Variants in ANKRD62 observed in about 807,000 individuals in gnomAD.
The protein encoded by ANKRD62 is ankyrin repeat domain 62.
In ANKRD62, 61 loss-of-function variants were observed where a neutral mutation model predicts 98.8. The ratio of observed to expected loss-of-function variants is 0.62; its 90% CI spans 0.50 to 0.76. ANKRD62 has a LOEUF of 0.76. Ranked by LOEUF, ANKRD62 falls within the 30% of genes least tolerant of loss-of-function variation. The pLI is 0.00. For missense variants in ANKRD62, 933 were observed against 1,082.9 expected (o/e 0.86, Z 1.94); for synonymous variants, 341 against 367.9 (o/e 0.93, Z 0.84).
intron 8 of ANKRD62, among the ~76,000 whole-genome samples, chr18:12,108,156 C>T (rs1405958631): frequency 6.6e-6 from 1 of 152,106 alleles, no homozygotes; most frequent in Non-Finnish European, 1.5e-5. Flanking sequence ...ATTATTTCAC[C>T]AGTAAAGTAT....
In ANKRD62 at chr18:12,115,102, C is replaced by T; in HGVS notation, c.1079C>T (p.Thr360Ile). 1 of 1,390,784 alleles carries T rather than the reference C, an allele frequency of 7.2e-7. No individual in the cohort carries two copies. The highest frequency in any genetic ancestry group is 1.9e-5 in the South Asian group (1 of 52,844). 86.2% of individuals were successfully genotyped at this position (1,390,784 alleles called of 1,614,324 possible). Residue 360 changes from threonine (T) to isoleucine (I), a missense_variant, in exon 9 of 14, where the codon ACC becomes ATC. Transcript: ENST00000587848. ...TTTTTTTTTAGGCTTGCAAGGAAAA[C>T]CTCTAATGAAAAGAGCAAGGTATTA... is the stretch of plus-strand genomic sequence containing the variant. ...NGEFDRLARK[T>I]SNEKSKVKSQ...
chr18:12,137,710 T>C, the ANKRD62 span, among the ~76,000 whole-genome samples: 10 of 152,216 alleles, frequency 6.6e-5, no homozygotes, highest in East Asian at 1.9e-3. Flanking sequence ...CTATTAATTA[T>C]TGCCTCAATT....
At chr18:12,135,060 A>C in the ANKRD62 span, among the ~76,000 whole-genome samples, 1 of 147,496 alleles carries the variant, frequency 6.8e-6, no homozygotes, top group Non-Finnish European at 1.5e-5. Flanking sequence ...TTTTTTTTAT[A>C]CTTTAAGTTT....
the ANKRD62 span, among the ~76,000 whole-genome samples, chr18:12,139,233 G>A: frequency 6.6e-6 from 1 of 152,140 alleles, no homozygotes; most frequent in Non-Finnish European, 1.5e-5. Context: ...TTTTAGGGCA[G>A]GCCTGGTGGT....
At chr18:12,115,309 G>A (rs1909637301) in intron 9 of ANKRD62, 84 bp from the exon 10 acceptor site, 1 of 1,350,850 alleles carries the variant, frequency 7.4e-7, no homozygotes, top group East Asian at 2.6e-5. Flanking sequence ...CATGTAAAAA[G>A]ACGGATAATT....
intron 10 of ANKRD62, among the ~76,000 whole-genome samples, chr18:12,118,345 C>T (rs369557858): frequency 3.9e-4 from 60 of 152,220 alleles, no homozygotes; most frequent in African/African-American, 1.3e-3. Flanking sequence ...CGGTGGCTCA[C>T]GCCTGTAATC....
chr18:12,168,916 T>G, the ANKRD62 span, among the ~76,000 whole-genome samples: 1 of 152,332 alleles, frequency 6.6e-6, no homozygotes, highest in East Asian at 1.9e-4. Flanking sequence ...GGAAGTACAC[T>G]CATGATTTGG....
chr18:12,112,120 A>C (rs1909555931), intron 8 of ANKRD62, among the ~76,000 whole-genome samples: 1 of 151,772 alleles, frequency 6.6e-6, no homozygotes, highest in Non-Finnish European at 1.5e-5. Context: ...TCAAAAAAAA[A>C]AAAAAAAAAA....
chr18:12,093,856 T>G lies in ANKRD62; in HGVS notation c.-162T>G, dbSNP rs933159964. On this transcript the variant is annotated 5_prime_UTR_variant, in exon 1 of 14. Transcript: ENST00000587848. ...CTGGTGCCTAACGGCTCTGCTGGGCTAGGTGCTCCTCCGAGCAGCTGGAGA... is the reference window on the plus strand; with the variant it reads ...CTGGTGCCTAACGGCTCTGCTGGGCGAGGTGCTCCTCCGAGCAGCTGGAGA... The G allele has an allele frequency of 1.9e-5, 13 of 668,442 alleles. No individual in the cohort carries two copies. In the Admixed American group the frequency reaches 3.1e-4, roughly 16 times the overall value. 41.4% of individuals were successfully genotyped at this position (668,442 alleles called of 1,614,324 possible).
chr18:12,166,952 C>G, the ANKRD62 span, among the ~76,000 whole-genome samples: 5 of 151,726 alleles, frequency 3.3e-5, no homozygotes, highest in African/African-American at 1.2e-4. Flanking sequence ...CAGTTCCCAC[C>G]TATGAGTGAG....
intron 6 of ANKRD62, 51 bp downstream of exon 6, chr18:12,099,733 A>G: frequency 9.3e-7 from 1 of 1,074,576 alleles, no homozygotes; most frequent in African/African-American, 1.6e-5. Context: ...ATAGATAAAA[A>G]AGTAAGAGGA....
the ANKRD62 span, among the ~76,000 whole-genome samples, chr18:12,158,748 G>A: frequency 7.5e-4 from 112 of 149,884 alleles, no homozygotes; most frequent in East Asian, 2.2e-3. Context: ...GTTAGCCAGC[G>A]TGGTCTCGAT....
intron 13 of ANKRD62, 65 bp downstream of exon 13, chr18:12,126,448 T>C: frequency 1.6e-6 from 2 of 1,266,486 alleles, no homozygotes; most frequent in Non-Finnish European, 2.1e-6. Flanking sequence ...TATATTTGGT[T>C]ATGGCTAAAC....
chr18:12,153,550 T>G, the ANKRD62 span, among the ~76,000 whole-genome samples: 188 of 139,806 alleles, frequency 1.3e-3, no homozygotes, highest in African/African-American at 4.6e-3. Flanking sequence ...CAGGATCACA[T>G]CACTGCACTC....
chr18:12,141,143 C>G, the ANKRD62 span, among the ~76,000 whole-genome samples: 3 of 152,228 alleles, frequency 2.0e-5, no homozygotes, highest in Non-Finnish European at 1.5e-5. Flanking sequence ...GGGCGTAGGA[C>G]TCTCCGAGCC....
rs1408071319 is a variant in ANKRD62 at position 12,129,440 on chromosome 18, A to G, written c.*1501A>G. ...AAGGGGTGTGGCTGCATTCCAGTAA[A>G]ATTTAGTTAAAAAACAGGTAATAGG... On this transcript the variant is annotated 3_prime_UTR_variant, in exon 14 of 14. Transcript: ENST00000587848. 6.6e-6 allele frequency: 1 copy of G among 152,140 alleles called. No homozygotes were observed. The highest frequency in any genetic ancestry group is 2.4e-5 in the African/African-American group (1 of 41,402). The allele number at this position is 152,140 out of a possible 1,614,324, so 9.4% of individuals were successfully genotyped here. A position where few individuals can be genotyped will look rare whatever the true frequency, so the allele number is the denominator to read the frequency against.
In ANKRD62 at chr18:12,107,291, G is replaced by A. The variant is rs1264758183; in HGVS notation, c.892-4G>A. On this transcript the variant is annotated splice_polypyrimidine_tract_variant and splice_region_variant and intron_variant, in intron 7 of 13. Transcript: ENST00000587848. ...TTATTCTCAGTATGAAACTTTCATT[G>A]AAGGTTGAAGAAAAAATGAAGAAAT... is the stretch of plus-strand genomic sequence containing the variant. The A allele has an allele frequency of 6.7e-7, 1 of 1,481,880 alleles. No individual in the cohort carries two copies. Among genetic ancestry groups the A allele is most frequent in the African/African-American group, 1.4e-5 (1 of 70,622 alleles). The allele number at this position is 1,481,880 out of a possible 1,614,324, so 91.8% of individuals were successfully genotyped here.
intron 8 of ANKRD62, among the ~76,000 whole-genome samples, chr18:12,110,203 C>CT (rs1482608879): frequency 6.6e-6 from 1 of 152,154 alleles, no homozygotes; most frequent in Non-Finnish European, 1.5e-5. Context: ...TGCATTGTCA[C>CT]TTTTTATTCT....
the ANKRD62 span, among the ~76,000 whole-genome samples, chr18:12,169,835 A>G: frequency 6.6e-6 from 1 of 152,256 alleles, no homozygotes; most frequent in East Asian, 1.9e-4. Flanking sequence ...CAGCAATTCA[A>G]CTTCTTCCTG....
Sources: allele counts gnomAD v4.1 joint callset (sites outside exome capture counted in the v4.1 genomes callset), GRCh38; gene constraint gnomAD v4.1.1; transcripts MANE v1.5; gene names NCBI Gene and HGNC (gene_info 2026-07-23, HGNC 2026-07-21).